The following RBFOX1 variants were observed in gnomAD, a reference collection of about 807,000 sequenced individuals.
RBFOX1 encodes RNA binding fox-1 homolog 1.
In RBFOX1, 8 loss-of-function variants were observed where a neutral mutation model predicts 57.7. The ratio of observed to expected loss-of-function variants is 0.14; its 90% CI spans 0.08 to 0.25. The LOEUF (loss-of-function observed/expected upper bound fraction) is 0.25. RBFOX1 is among the 10% of genes least tolerant of loss of function. The pLI is 1.00. For missense variants in RBFOX1, 611 were observed against 548.5 expected, an observed-to-expected ratio of 1.11 and a Z score of -1.14; for synonymous variants, 326 against 222.4, an observed-to-expected ratio of 1.47 and a Z score of -4.15.
At chr16:6,060,596 G>A (rs769220585) in intron 1 of RBFOX1, among the ~76,000 whole-genome samples, 2 of 152,140 alleles carry the variant, frequency 1.3e-5, no homozygotes, top group Non-Finnish European at 2.9e-5. Flanking sequence ...CTATGGTGTT[G>A]TAAACAGGAG....
intron 2 of RBFOX1, among the ~76,000 whole-genome samples, chr16:6,428,846 A>G (rs1228748495): frequency 6.6e-6 from 1 of 152,234 alleles, no homozygotes; most frequent in African/African-American, 2.4e-5. Context: ...AATTCAACAC[A>G]CAAACGAGGC....
intron 1 of RBFOX1, among the ~76,000 whole-genome samples, chr16:5,370,083 T>G (rs892751295): frequency 3.3e-5 from 5 of 152,144 alleles, no homozygotes; most frequent in African/African-American, 1.2e-4. Context: ...TTCTCCATGA[T>G]AGAATGCATC....
At chr16:6,534,901 G>A (rs1476974) in intron 2 of RBFOX1, among the ~76,000 whole-genome samples, 150,399 of 152,284 alleles carry the variant, frequency 0.99, 74,305 homozygotes, top group Middle Eastern at 1. Flanking sequence ...GCATATCCTA[G>A]TGGTCAAGCC....
chr16:7,029,573 G>C (rs1164485111), intron 3 of RBFOX1, among the ~76,000 whole-genome samples: 5 of 152,064 alleles, frequency 3.3e-5, no homozygotes. Flanking sequence ...CCAAACAGGA[G>C]AGTAACTTGG....
intron 4 of RBFOX1, among the ~76,000 whole-genome samples, chr16:7,109,480 G>A (rs1373890005): frequency 6.6e-6 from 1 of 152,134 alleles, no homozygotes; most frequent in East Asian, 1.9e-4. Flanking sequence ...AAGGAAGGTG[G>A]TGCACCTTTG....
intron 1 of RBFOX1, among the ~76,000 whole-genome samples, chr16:5,370,274 G>C (rs1447284395): frequency 6.6e-6 from 1 of 152,026 alleles, no homozygotes; most frequent in African/African-American, 2.4e-5. Context: ...ACTTGTAACA[G>C]ACAAGCCCCC....
chr16:7,510,299 G>A (rs2074678311), intron 4 of RBFOX1: 2 of 985,810 alleles, frequency 2.0e-6, no homozygotes, highest in South Asian at 9.4e-5. Context: ...AAAGGAAGCA[G>A]GATGGTGCAG....
intron 2 of RBFOX1, among the ~76,000 whole-genome samples, chr16:6,420,595 C>T (rs1186419938): frequency 3.3e-5 from 5 of 152,070 alleles, no homozygotes; most frequent in Non-Finnish European, 7.4e-5. Flanking sequence ...GAAGGATGGG[C>T]CCTATTACAG....
intron 1 of RBFOX1, among the ~76,000 whole-genome samples, chr16:5,410,781 G>C (rs908542734): frequency 1.2e-5 from 1 of 84,810 alleles, no homozygotes; most frequent in African/African-American, 6.2e-5. Flanking sequence ...TCTCCTTTCT[G>C]ACTTTAAAAT....
intron 1 of RBFOX1, among the ~76,000 whole-genome samples, chr16:5,424,999 T>TTTCTTTCTTTC (rs1220049418): frequency 7.1e-6 from 1 of 140,388 alleles, no homozygotes; most frequent in African/African-American, 2.6e-5. Context: ...TTTTCTTTTC[T>TTTCTTTCTTTC]TTTCTTTTCT....
chr16:5,441,779 G>A (rs1261888071), intron 1 of RBFOX1, among the ~76,000 whole-genome samples: 1 of 152,154 alleles, frequency 6.6e-6, no homozygotes, highest in African/African-American at 2.4e-5. Flanking sequence ...GCAGGGAGAA[G>A]AAGAATGAGT....
chr16:7,226,687 C>CA (rs1209069396), intron 4 of RBFOX1, among the ~76,000 whole-genome samples: 1 of 152,228 alleles, frequency 6.6e-6, no homozygotes, highest in East Asian at 1.9e-4. Flanking sequence ...TCTAAAACCG[C>CA]AAAAAGTACT....
intron 4 of RBFOX1, among the ~76,000 whole-genome samples, chr16:7,455,456 T>A (rs1205269214): frequency 6.6e-6 from 1 of 152,090 alleles, no homozygotes; most frequent in African/African-American, 2.4e-5. Context: ...TATTAAATAT[T>A]TACATAGATA....
At position 5,482,860 on chromosome 16, in the gene RBFOX1, C is replaced by G. The variant is rs2151647478; in HGVS notation, c.258+15606C>G. Among the ~76,000 whole-genome samples, 5 of 152,226 alleles carry G rather than the reference C, an allele frequency of 3.3e-5. 1 individual carries two copies. The Middle Eastern group carries it at 0.017, about 518-fold the overall frequency. On this transcript the variant is annotated intron_variant, in intron 2 of 2. Coordinates refer to the RBFOX1 transcript ENST00000585867. ...TAAAATGGGGCATTCATTTCTTGCT[C>G]TGGGAAGGGGATATTTTCAAGATCC...
chr16:5,806,336 C>A (rs985220153), intron 3 of RBFOX1, among the ~76,000 whole-genome samples: 1 of 152,158 alleles, frequency 6.6e-6, no homozygotes, highest in Admixed American at 6.5e-5. Flanking sequence ...GAGGGCCTTC[C>A]TCCTGCATCC....
At chr16:6,942,886 T>G (rs970467590) in intron 3 of RBFOX1, among the ~76,000 whole-genome samples, 4 of 152,196 alleles carry the variant, frequency 2.6e-5, no homozygotes, top group African/African-American at 7.2e-5. Flanking sequence ...GCTCGCAGTT[T>G]GCAGTATACA....
intron 3 of RBFOX1, among the ~76,000 whole-genome samples, chr16:6,923,771 G>C (rs1363174047): frequency 6.6e-6 from 1 of 152,090 alleles, no homozygotes; most frequent in Non-Finnish European, 1.5e-5. Context: ...TTAATAGTTA[G>C]TCTATTTTGG....
intron 1 of RBFOX1, among the ~76,000 whole-genome samples, chr16:6,109,943 T>A (rs2152571353): frequency 6.6e-6 from 1 of 152,288 alleles, no homozygotes; most frequent in South Asian, 2.1e-4. Flanking sequence ...GTGGTTTTAC[T>A]TTTTATGTTT....
chr16:5,500,780 A>T (rs1468515806), intron 2 of RBFOX1, among the ~76,000 whole-genome samples: 1 of 152,148 alleles, frequency 6.6e-6, no homozygotes, highest in African/African-American at 2.4e-5. Flanking sequence ...TGGTAACTTC[A>T]CCACACAGTT....
Sources: allele counts gnomAD v4.1 joint callset (sites outside exome capture counted in the v4.1 genomes callset), GRCh38; gene constraint gnomAD v4.1.1; transcripts MANE v1.5; gene names NCBI Gene and HGNC (gene_info 2026-07-23, HGNC 2026-07-21).